The following REV1 variants were observed in gnomAD, a reference collection of about 807,000 sequenced individuals.
The protein encoded by REV1 is REV1 DNA directed polymerase.
In REV1, 42 loss-of-function variants were observed where a neutral mutation model predicts 137.4. That is an observed-to-expected ratio of 0.31 (90% CI 0.24 to 0.40). REV1 has a LOEUF of 0.40. Ranked by LOEUF, REV1 falls within the 10% of genes least tolerant of loss-of-function variation. The pLI is 1.00. For missense variants in REV1, 1,282 were observed against 1,490.1 expected, an observed-to-expected ratio of 0.86 and a Z score of 2.30; for synonymous variants, 524 against 519.2, an observed-to-expected ratio of 1.01 and a Z score of -0.12.
At chr2:99,439,606 A>G (rs959608678) in intron 5 of REV1, among the ~76,000 whole-genome samples, 2 of 152,180 alleles carry the variant, frequency 1.3e-5, no homozygotes, top group African/African-American at 2.4e-5. Context: ...TTCACTTCAG[A>G]TAGTCCCAAA....
chr2:99,489,081 G>A (rs1172288152), intron 1 of REV1, among the ~76,000 whole-genome samples: 1 of 152,198 alleles, frequency 6.6e-6, no homozygotes, highest in African/African-American at 2.4e-5. Flanking sequence ...AGGAAGAGCA[G>A]CGAAACACAG....
rs551260588 is a variant in REV1 at position 99,427,659 on chromosome 2, G to A, written c.1547+2181C>T. 7.2e-5 allele frequency among the ~76,000 whole-genome samples: 11 copies of A among 152,198 alleles called. No individual in the cohort carries two copies. The South Asian group carries it at 2.3e-3, about 32-fold the overall frequency. Reference sequence around the variant, plus strand: ...TCCTCAGATAAGGAAAATATAACCTGTTGGATGGCCACAAAACAAGTATCC... The same window carrying A: ...TCCTCAGATAAGGAAAATATAACCTATTGGATGGCCACAAAACAAGTATCC... On this transcript the variant is annotated intron_variant, in intron 9 of 22. Coordinates refer to ENST00000258428, the MANE Select transcript of REV1 (RefSeq NM_016316.4).
chr2:99,425,730 A>C (rs1476328506), intron 9 of REV1, among the ~76,000 whole-genome samples: 1 of 152,228 alleles, frequency 6.6e-6, no homozygotes. Flanking sequence ...TAAAGATAAC[A>C]CATTTTTTAA....
intron 1 of REV1, among the ~76,000 whole-genome samples, chr2:99,479,326 C>CAAAAAAA (rs60839666): frequency 1.0e-5 from 1 of 96,854 alleles, no homozygotes; most frequent in Non-Finnish European, 2.1e-5. Context: ...GACTCTGTCT[C>CAAAAAAA]AAAAAAAAAA....
At position 99,407,080 on chromosome 2, in the gene REV1, C is replaced by CTTTTTTTTTTTTTTTTTTT. The variant is rs869170472; in HGVS notation, c.2449-609_2449-591dup. 8.5e-4 allele frequency among the ~76,000 whole-genome samples: 51 copies of CTTTTTTTTTTTTTTTTTTT among 60,048 alleles called. 16 individuals are homozygous for CTTTTTTTTTTTTTTTTTTT. The highest frequency in any genetic ancestry group is 2.2e-3 in the Admixed American group (7 of 3,158). 39.4% of individuals were successfully genotyped at this position (60,048 alleles called of 152,430 possible). Reference sequence around the variant, plus strand: ...ACATAAAACTAAACCTACAAAGGTTCTTTTTTTTTTTTTTTTTTTTTTTTT... The same window carrying CTTTTTTTTTTTTTTTTTTT: ...ACATAAAACTAAACCTACAAAGGTTCTTTTTTTTTTTTTTTTTTTTTTTTTTTTTTTTTTTTTTTTTTTT... On this transcript the variant is annotated intron_variant, in intron 15 of 22. Transcript: ENST00000258428.
intron 6 of REV1, among the ~76,000 whole-genome samples, chr2:99,437,188 G>A (rs1454963419): frequency 6.6e-6 from 1 of 151,486 alleles, no homozygotes; most frequent in Non-Finnish European, 1.5e-5. Context: ...TCACTGTGTT[G>A]CCCAGGTTGG....
At chr2:99,424,069 T>C (rs1679026640) in intron 10 of REV1, 83 bp downstream of exon 10, 2 of 1,404,316 alleles carry the variant, frequency 1.4e-6, no homozygotes, top group South Asian at 1.4e-5. Flanking sequence ...ATCCTGACAA[T>C]CCTAAAGAAA....
At chr2:99,449,208 T>C (rs765467752) in intron 4 of REV1, 128 bp downstream of exon 4, 14 of 386,498 alleles carry the variant, frequency 3.6e-5, no homozygotes, top group Non-Finnish European at 5.3e-5. Flanking sequence ...GAGGCTGCAG[T>C]GAGCCATGAT....
In REV1 at chr2:99,476,320, G is replaced by T. The variant is rs1003059472; in HGVS notation, c.-10-11335C>A. Among the ~76,000 whole-genome samples the T allele has an allele frequency of 2.6e-5, 4 of 152,276 alleles. No homozygotes were observed. The East Asian group carries it at 7.8e-4, about 30-fold the overall frequency. On this transcript the variant is annotated intron_variant, in intron 1 of 22. Coordinates refer to ENST00000258428, the MANE Select transcript of REV1 (RefSeq NM_016316.4). ...CGCCTGTAATCCCAACACTTTAGGA[G>T]GCTGAGGCGGGCAGATCACAAGGTT...
At position 99,404,572 on chromosome 2, in the gene REV1, GTTCT is replaced by G. The variant is rs1676006268; in HGVS notation, c.2913_2916del (p.Lys971AsnfsTer3). On this transcript the variant is annotated frameshift_variant, in exon 18 of 23. Transcript: ENST00000258428. LOFTEE classifies it high-confidence loss of function. The stretch of plus-strand genomic sequence containing the variant: ...ATTCCTGTATTACAGCCATTTACTG[GTTCT>G]TTCTTTTTGTCGCCATGTGACTCTG... 1.2e-6 allele frequency: 2 copies of G among 1,613,918 alleles called. No homozygotes were observed. The highest frequency in any genetic ancestry group is 1.1e-5 in the South Asian group (1 of 91,074).
intron 10 of REV1, among the ~76,000 whole-genome samples, chr2:99,423,339 T>C (rs1490490122): frequency 6.6e-6 from 1 of 151,854 alleles, no homozygotes; most frequent in Non-Finnish European, 1.5e-5. Context: ...TGCCCAGGAG[T>C]TGACAAACCT....
At chr2:99,428,885 G>A (rs998806413) in intron 9 of REV1, among the ~76,000 whole-genome samples, 1 of 151,902 alleles carries the variant, frequency 6.6e-6, no homozygotes, top group African/African-American at 2.4e-5. Flanking sequence ...CCAGCTACTC[G>A]GGAGGCTGAG....
intron 4 of REV1, among the ~76,000 whole-genome samples, chr2:99,448,642 T>C (rs1682520941): frequency 1.3e-5 from 2 of 152,244 alleles, no homozygotes; most frequent in African/African-American, 2.4e-5. Flanking sequence ...AATGTACTCA[T>C]ACATTACTCA....
At chr2:99,405,827 C>A in intron 17 of REV1, 83 bp downstream of exon 17, 2 of 982,252 alleles carry the variant, frequency 2.0e-6, no homozygotes, top group Non-Finnish European at 2.8e-6. Context: ...AATAAAAATG[C>A]CATTTTCATT....
intron 15 of REV1, chr2:99,406,740 T>G: frequency 3.5e-6 from 1 of 289,190 alleles, no homozygotes; most frequent in Non-Finnish European, 6.3e-6. Flanking sequence ...AAAAGATCTT[T>G]AAAATCAGAA....
intron 15 of REV1, among the ~76,000 whole-genome samples, chr2:99,407,746 ACTT>A (rs1466363603): frequency 6.6e-6 from 1 of 152,192 alleles, no homozygotes; most frequent in African/African-American, 2.4e-5. Flanking sequence ...AGTCATATCT[ACTT>A]CTAGGAAACA....
chr2:99,462,437 T>C, intron 3 of REV1, 59 bp downstream of exon 3: 1 of 1,474,250 alleles, frequency 6.8e-7, no homozygotes, highest in Non-Finnish European at 9.2e-7. Context: ...TTAAAACAAA[T>C]CATTCTCAAT....
rs1417855808 is a variant in REV1, at chr2:99,442,333, G to T, written c.487C>A (p.Gln163Lys). Residue 163 changes from glutamine (Q) to lysine (K), a missense_variant, in exon 5 of 23, where the codon CAG (glutamine) becomes AAG (lysine). By Grantham distance (53) the Gln-to-Lys change is moderately conservative. Transcript: ENST00000258428. ...PLPGPSNIAK[Q>K]LNNRVNHIVK... Reference sequence around the variant, plus strand: ...CAAACTTACACCCTGTTGTTGAGCTGTTTGGCTATATTGCTTGGACCTGGC... The same window carrying T: ...CAAACTTACACCCTGTTGTTGAGCTTTTTGGCTATATTGCTTGGACCTGGC... The T allele has an allele frequency of 2.5e-6, 4 of 1,608,088 alleles. No homozygotes were observed. Among genetic ancestry groups the T allele is most frequent in the Non-Finnish European group, 3.4e-6 (4 of 1,177,224 alleles).
chr2:99,422,079 T>C (rs1017046521), intron 10 of REV1, among the ~76,000 whole-genome samples: 2 of 152,158 alleles, frequency 1.3e-5, no homozygotes, highest in African/African-American at 4.8e-5. Context: ...ACAGAAAAAT[T>C]AGACAAATCA....
Sources: allele counts gnomAD v4.1 joint callset (sites outside exome capture counted in the v4.1 genomes callset), GRCh38; gene constraint gnomAD v4.1.1; transcripts MANE v1.5; gene names NCBI Gene and HGNC (gene_info 2026-07-23, HGNC 2026-07-21).